The following RANBP3L variants were observed in gnomAD, a reference collection of about 807,000 sequenced individuals.
RANBP3L encodes RAN binding protein 3 like.
A neutral mutation model predicts 67.2 loss-of-function variants in RANBP3L; 56 were observed. The ratio of observed to expected loss-of-function variants is 0.83; its 90% CI spans 0.67 to 1.04. The LOEUF (loss-of-function observed/expected upper bound fraction) is 1.04, where lower values mean the gene tolerates loss of function less well. RANBP3L is among the 50% of genes least tolerant of loss of function. The pLI, the probability that RANBP3L is intolerant of heterozygous loss-of-function variation, is 0.00. For synonymous variants in RANBP3L, 164 were observed against 181.4 expected, an observed-to-expected ratio of 0.90 and a Z score of 0.77; for missense variants, 496 against 535.5, an observed-to-expected ratio of 0.93 and a Z score of 0.73.
chr5:36,258,609 AG>A (rs1271015155), intron 8 of RANBP3L, among the ~76,000 whole-genome samples: 17 of 152,226 alleles, frequency 1.1e-4, no homozygotes, highest in African/African-American at 3.9e-4. Context: ...CAACTTAAAG[AG>A]ATAGTTCAGG....
At chr5:36,292,652 T>C (rs1751880425) in intron 1 of RANBP3L, among the ~76,000 whole-genome samples, 2 of 152,022 alleles carry the variant, frequency 1.3e-5, no homozygotes, top group Admixed American at 6.5e-5. Context: ...ATTTATTAAA[T>C]AGGGAATCCT....
intron 1 of RANBP3L, among the ~76,000 whole-genome samples, chr5:36,282,812 C>G (rs535738694): frequency 1.3e-5 from 2 of 152,120 alleles, no homozygotes; most frequent in Admixed American, 6.5e-5. Context: ...CATCATTCCT[C>G]TTCTCCTTGT....
chr5:36,285,068 C>G (rs1181831616), intron 1 of RANBP3L, among the ~76,000 whole-genome samples: 2 of 152,140 alleles, frequency 1.3e-5, no homozygotes, highest in Non-Finnish European at 2.9e-5. Flanking sequence ...GCTCTGAGAC[C>G]TCCTGGGGCT....
At chr5:36,269,514 T>C in intron 3 of RANBP3L, 47 bp from the exon 4 acceptor site, 1 of 1,117,064 alleles carries the variant, frequency 9.0e-7, no homozygotes. Context: ...TGATAATAAA[T>C]TATCCTCAAC....
intron 1 of RANBP3L, among the ~76,000 whole-genome samples, chr5:36,286,129 A>G (rs1435485639): frequency 6.6e-6 from 1 of 152,086 alleles, no homozygotes; most frequent in Non-Finnish European, 1.5e-5. Context: ...TTGCTAATTA[A>G]TGTTTGTTTA....
In RANBP3L at chr5:36,268,713, C is replaced by CT. The variant is rs58603898; in HGVS notation, c.268+676dup. 4.2e-3 allele frequency among the ~76,000 whole-genome samples: 608 copies of CT among 144,714 alleles called. 2 individuals are homozygous for CT. Among genetic ancestry groups the CT allele is most frequent in the African/African-American group, 0.011 (446 of 39,966 alleles). 94.9% of individuals were successfully genotyped at this position (144,714 alleles called of 152,430 possible). A position where few individuals can be genotyped will look rare whatever the true frequency, so the allele number is the denominator to read the frequency against. On this transcript the variant is annotated intron_variant, in intron 4 of 13. Transcript: ENST00000296604. The stretch of plus-strand genomic sequence containing the variant: ...ATCCATTTATTTAAATAGGCGGTTA[C>CT]TTTTTTTTTTTTTTCTTAGGAGTCT...
intron 1 of RANBP3L, among the ~76,000 whole-genome samples, chr5:36,274,162 T>C (rs1417123882): frequency 6.6e-6 from 1 of 152,224 alleles, no homozygotes; most frequent in Non-Finnish European, 1.5e-5. Context: ...TTTGCTCGAT[T>C]AAACTCTAAG....
chr5:36,298,514 C>A (rs1338906596), intron 1 of RANBP3L, among the ~76,000 whole-genome samples: 1 of 152,006 alleles, frequency 6.6e-6, no homozygotes, highest in Non-Finnish European at 1.5e-5. Flanking sequence ...CTTCCTGGGA[C>A]CTTTGCTGAA....
chr5:36,255,047 T>C (rs1748870395), intron 11 of RANBP3L, among the ~76,000 whole-genome samples: 1 of 152,102 alleles, frequency 6.6e-6, no homozygotes, highest in Admixed American at 6.6e-5. Context: ...AGAAGATCTT[T>C]TCACTTCACA....
intron 7 of RANBP3L, among the ~76,000 whole-genome samples, chr5:36,261,550 C>G (rs145826131): frequency 9.6e-4 from 146 of 152,232 alleles, no homozygotes; most frequent in African/African-American, 3.3e-3. Flanking sequence ...ATTTATACTG[C>G]TTTCCTTGTT....
At chr5:36,253,817 C>T in intron 11 of RANBP3L, 28 bp from the exon 12 acceptor site, 2 of 1,605,858 alleles carry the variant, frequency 1.2e-6, no homozygotes, top group Middle Eastern at 1.7e-4. Flanking sequence ...CTACATCAGG[C>T]CACAGAACAG....
intron 4 of RANBP3L, chr5:36,268,145 T>C (rs1371065770): frequency 8.2e-7 from 1 of 1,226,018 alleles, no homozygotes; most frequent in Admixed American, 2.9e-5. Flanking sequence ...ATAAGAATGA[T>C]TTTGAAAAGT....
At chr5:36,267,401 G>A (rs752365042) in intron 4 of RANBP3L, among the ~76,000 whole-genome samples, 19 of 151,920 alleles carry the variant, frequency 1.3e-4, no homozygotes, top group South Asian at 4.2e-4. Context: ...CCAGCTACTT[G>A]GAAGGCTGAG....
At chr5:36,274,817 C>A (rs1283871953) in intron 1 of RANBP3L, among the ~76,000 whole-genome samples, 1 of 151,928 alleles carries the variant, frequency 6.6e-6, no homozygotes, top group Non-Finnish European at 1.5e-5. Context: ...AATTAAGAGG[C>A]TAGTCTAAGT....
In RANBP3L at chr5:36,280,482, AC is replaced by A. The variant is rs546003390; in HGVS notation, c.92-9172del. Among the ~76,000 whole-genome samples, 429 of 152,330 alleles carry A rather than the reference AC, an allele frequency of 2.8e-3. 1 individual carries two copies. Among genetic ancestry groups the A allele is most frequent in the Non-Finnish European group, 5.0e-3 (337 of 68,028 alleles). On this transcript the variant is annotated intron_variant, in intron 1 of 13. Transcript: ENST00000296604. The stretch of plus-strand genomic sequence containing the variant: ...TTCTTCTCATTTTTTAAAGTTATTT[AC>A]TTCACTAACATCTTTATGGAGTTCA...
rs1171468425 is a variant in RANBP3L at position 36,257,037 on chromosome 5, T to C, written c.807A>G (p.Glu269=). 6.2e-7 allele frequency: 1 copy of C among 1,612,576 alleles called. No individual in the cohort carries two copies. Among genetic ancestry groups the C allele is most frequent in the Non-Finnish European group, 8.5e-7 (1 of 1,179,128 alleles). The change falls in exon 10 of 14, where the codon GAA becomes GAG. Residue 269 remains glutamate, a synonymous_variant. Coordinates refer to ENST00000296604, the MANE Select transcript of RANBP3L (RefSeq NM_145000.5). ...TDSIKNTSLI[E]SAAAFSSQPS... is the part of the protein sequence containing the mutation. ...GTTGGGAAGAGAATGCAGCAGCTGA[T>C]TCAATTAGGGAAGTATTTTTAATAG...
chr5:36,296,638 A>G (rs1348217414), intron 1 of RANBP3L, among the ~76,000 whole-genome samples: 4 of 152,164 alleles, frequency 2.6e-5, no homozygotes, highest in Non-Finnish European at 5.9e-5. Flanking sequence ...CCACATCTTT[A>G]TAAATAAGGA....
chr5:36,300,896 A>G lies in RANBP3L; in HGVS notation c.91+430T>C, dbSNP rs184807128. ...AGTCAAGAATATATTTATTTTTCCC[A>G]CAATGAATGAGCCAGAGATCCAGAC... is the stretch of plus-strand genomic sequence containing the variant. On this transcript the variant is annotated intron_variant, in intron 1 of 13. Transcript: ENST00000296604. 9.8e-4 allele frequency among the ~76,000 whole-genome samples: 150 copies of G among 152,306 alleles called. 3 individuals carry two copies. The highest frequency in any genetic ancestry group is 3.9e-4 in the East Asian group (2 of 5,186).
intron 2 of RANBP3L, among the ~76,000 whole-genome samples, chr5:36,271,041 T>C (rs911788419): frequency 7.9e-5 from 12 of 152,192 alleles, no homozygotes; most frequent in African/African-American, 2.7e-4. Flanking sequence ...AACAGTATGT[T>C]ATCCATAGCT....
Sources: allele counts gnomAD v4.1 joint callset (sites outside exome capture counted in the v4.1 genomes callset), GRCh38; gene constraint gnomAD v4.1.1; transcripts MANE v1.5; gene names NCBI Gene and HGNC (gene_info 2026-07-23, HGNC 2026-07-21).